Variants in PRTG observed in about 807,000 individuals in gnomAD.
The protein encoded by PRTG is immunoglobulin superfamily, DCC subclass, member 5.
PRTG carries 67 observed loss-of-function variants against 122.5 expected under a neutral mutation model. The observed-to-expected ratio is 0.55, with a 90% CI of 0.45 to 0.67. PRTG has a LOEUF of 0.67. Ranked by LOEUF, PRTG falls within the 30% of genes least tolerant of loss-of-function variation. PRTG has a pLI of 0.00. For synonymous variants in PRTG, 554 were observed against 501.1 expected (o/e 1.11, Z -1.41); for missense variants, 1,435 against 1,415.4 (o/e 1.01, Z -0.22).
intron 2 of PRTG, among the ~76,000 whole-genome samples, chr15:55,727,455 T>C (rs8028880): frequency 0.37 from 56,375 of 151,902 alleles, 12,923 homozygotes; most frequent in Non-Finnish European, 0.52. Context: ...AGAAGAAATA[T>C]AAAATTACAA....
rs576114511 is a variant in PRTG at position 55,613,151 on chromosome 15, A to G, written c.*6861T>C. On this transcript the variant is annotated 3_prime_UTR_variant, in exon 20 of 20. Coordinates refer to ENST00000389286, the MANE Select transcript of PRTG (RefSeq NM_173814.6). ...AGTTTAAGAATTTTTGTACCAAACG[A>G]TTCTCAAAATTGTCAAGATTAGAAC... 9 of 152,214 alleles carry G rather than the reference A, an allele frequency of 5.9e-5. 1 individual carries two copies. The highest frequency in any genetic ancestry group is 1.9e-4 in the African/African-American group (8 of 41,578). The allele number at this position is 152,214 out of a possible 1,614,324, so 9.4% of individuals were successfully genotyped here.
chr15:55,683,975 T>C (rs1309194795), intron 2 of PRTG, 44 bp from the exon 3 acceptor site: 3 of 1,544,164 alleles, frequency 1.9e-6, no homozygotes, highest in African/African-American at 2.7e-5. Context: ...TGCATGAAAA[T>C]AACACTTAGA....
chr15:55,738,000 C>G (rs8035476), intron 2 of PRTG, among the ~76,000 whole-genome samples: 32 of 66,946 alleles, frequency 4.8e-4, no homozygotes, highest in Non-Finnish European at 9.9e-4. Flanking sequence ...CTCTCTCTCT[C>G]TCTATATATA....
intron 11 of PRTG, among the ~76,000 whole-genome samples, chr15:55,670,849 G>C (rs1390289271): frequency 6.6e-6 from 1 of 151,626 alleles, no homozygotes; most frequent in African/African-American, 2.4e-5. Context: ...GCGGTGAGCT[G>C]AGATTGTGCC....
intron 11 of PRTG, among the ~76,000 whole-genome samples, chr15:55,666,095 T>C (rs2059437973): frequency 6.6e-6 from 1 of 152,136 alleles, no homozygotes. Context: ...CCAGACTGAG[T>C]GGTTTAAACA....
chr15:55,684,355 C>A (rs1247566716), intron 2 of PRTG, among the ~76,000 whole-genome samples: 1 of 152,066 alleles, frequency 6.6e-6, no homozygotes, highest in African/African-American at 2.4e-5. Flanking sequence ...TTTGAAGAAT[C>A]CACTGGATTT....
At position 55,737,976 on chromosome 15, in the gene PRTG, TTCTCTCTC is replaced by T. The variant is rs376933626; in HGVS notation, c.397+2398_397+2405del. ...AACCAGAATGTCCACTTAATGCCTA[TTCTCTCTC>T]TCTCTCTCTCTCTCTCTCTATATAT... On this transcript the variant is annotated intron_variant, in intron 2 of 19. Coordinates refer to ENST00000389286, the MANE Select transcript of PRTG (RefSeq NM_173814.6). Among the ~76,000 whole-genome samples the T allele has an allele frequency of 7.0e-4, 64 of 91,790 alleles. 1 individual carries two copies. Among genetic ancestry groups the T allele is most frequent in the East Asian group, 2.7e-3 (7 of 2,580 alleles). The allele number at this position is 91,790 out of a possible 152,430, so 60.2% of individuals were successfully genotyped here. A position where few individuals can be genotyped will look rare whatever the true frequency, so the allele number is the denominator to read the frequency against.
At chr15:55,634,347 C>A (rs1264723676) in intron 15 of PRTG, among the ~76,000 whole-genome samples, 1 of 152,010 alleles carries the variant, frequency 6.6e-6, no homozygotes, top group Non-Finnish European at 1.5e-5. Flanking sequence ...GGATTACAGG[C>A]GTGAGCCACT....
At position 55,616,523 on chromosome 15, in the gene PRTG, A is replaced by C. The variant is rs1226991809; in HGVS notation, c.*3489T>G. The C allele has an allele frequency of 1.3e-5, 2 of 152,162 alleles. No individual in the cohort carries two copies. Among genetic ancestry groups the C allele is most frequent in the East Asian group, 3.8e-4 (2 of 5,200 alleles). 9.4% of individuals were successfully genotyped at this position (152,162 alleles called of 1,614,324 possible). On this transcript the variant is annotated 3_prime_UTR_variant, in exon 20 of 20. Coordinates refer to ENST00000389286, the MANE Select transcript of PRTG (RefSeq NM_173814.6). The stretch of plus-strand genomic sequence containing the variant: ...ACATTTCACACTCAAGGTGCTTTGG[A>C]AAGTATCACATCATTTGGCAAAAAC...
intron 2 of PRTG, among the ~76,000 whole-genome samples, chr15:55,695,224 C>A (rs1484216525): frequency 1.3e-5 from 2 of 152,074 alleles, no homozygotes; most frequent in Non-Finnish European, 2.9e-5. Flanking sequence ...AAATGTATGA[C>A]TACTAATTTA....
intron 2 of PRTG, among the ~76,000 whole-genome samples, chr15:55,684,861 T>C (rs28636551): frequency 0.011 from 1,723 of 152,152 alleles, 41 homozygotes; most frequent in African/African-American, 0.04. Flanking sequence ...AAACAAAAGG[T>C]AGAGAAACTC....
intron 2 of PRTG, among the ~76,000 whole-genome samples, chr15:55,695,733 C>T (rs2059628401): frequency 6.6e-6 from 1 of 152,172 alleles, no homozygotes; most frequent in Admixed American, 6.5e-5. Flanking sequence ...AATCCCAGCA[C>T]TTTGAGGGGA....
At chr15:55,669,000 T>G (rs775792563) in intron 11 of PRTG, among the ~76,000 whole-genome samples, 1 of 152,226 alleles carries the variant, frequency 6.6e-6, no homozygotes, top group Admixed American at 6.5e-5. Context: ...CACCTTTTTA[T>G]GTAGTACTAC....
intron 16 of PRTG, among the ~76,000 whole-genome samples, chr15:55,627,364 T>C (rs1221763937): frequency 6.6e-6 from 1 of 150,754 alleles, no homozygotes; most frequent in Non-Finnish European, 1.5e-5. Flanking sequence ...CTCGCTCTGT[T>C]GCCCAGGCTA....
intron 2 of PRTG, among the ~76,000 whole-genome samples, chr15:55,717,429 A>G (rs1170644490): frequency 2.0e-5 from 3 of 152,214 alleles, no homozygotes; most frequent in Admixed American, 2.0e-4. Context: ...CAGTAATTCT[A>G]CGCAAGAGAA....
intron 2 of PRTG, among the ~76,000 whole-genome samples, chr15:55,690,677 A>G (rs1277889388): frequency 1.3e-5 from 2 of 152,188 alleles, no homozygotes; most frequent in East Asian, 3.9e-4. Context: ...AATCTGAAAC[A>G]CTTCTCGTTC....
chr15:55,675,546 G>T lies in PRTG; in HGVS notation c.1519C>A (p.His507Asn). Residue 507 changes from histidine (H) to asparagine (N), a missense_variant, in exon 9 of 20, where the codon CAT becomes AAT. His to Asn is a moderately conservative substitution (Grantham distance 68). Coordinates refer to ENST00000389286, the MANE Select transcript of PRTG (RefSeq NM_173814.6). ...TCCTCTAGAGTATTCTGTGTCACAT[G>T]GTCAGACATCTGGCTGGCTCCCATT... ...MPMGASQMSDHVTQNTLEDVP... is the reference protein window; with the variant it reads ...MPMGASQMSDNVTQNTLEDVP... The T allele has an allele frequency of 1.2e-6, 2 of 1,611,644 alleles. No homozygotes were observed. Among genetic ancestry groups the T allele is most frequent in the Non-Finnish European group, 8.5e-7 (1 of 1,178,394 alleles).
chr15:55,691,491 A>G (rs1024625411), intron 2 of PRTG, among the ~76,000 whole-genome samples: 4 of 151,402 alleles, frequency 2.6e-5, no homozygotes, highest in East Asian at 2.0e-4. Context: ...AACCATCCTG[A>G]CCAACATGGT....
chr15:55,686,237 G>A (rs1029277016), intron 2 of PRTG, among the ~76,000 whole-genome samples: 11 of 152,070 alleles, frequency 7.2e-5, no homozygotes, highest in African/African-American at 2.7e-4. Context: ...GAAATATAAA[G>A]CACTCTTGTC....
Sources: allele counts gnomAD v4.1 joint callset (sites outside exome capture counted in the v4.1 genomes callset), GRCh38; gene constraint gnomAD v4.1.1; transcripts MANE v1.5; gene names NCBI Gene and HGNC (gene_info 2026-07-23, HGNC 2026-07-21).